FHIT: variants seen among roughly 807,000 people sequenced by gnomAD.
The protein encoded by FHIT is bis(5'-adenosyl)-triphosphatase.
Under a neutral mutation model 17.9 loss-of-function variants are expected in FHIT, and 19 were observed. That is an observed-to-expected ratio of 1.06 (90% CI 0.74 to 1.56). The LOEUF (loss-of-function observed/expected upper bound fraction) is 1.56, where lower values mean the gene tolerates loss of function less well. Ranked by LOEUF, FHIT falls within the 40% of genes most tolerant of loss-of-function variation. FHIT has a pLI of 0.00. For synonymous variants in FHIT, 81 were observed against 69.7 expected (o/e 1.16, Z -0.81); for missense variants, 248 against 189.2 (o/e 1.31, Z -1.82).
chr3:60,779,388 T>C (rs115805932), intron 4 of FHIT, among the ~76,000 whole-genome samples: 135 of 152,320 alleles, frequency 8.9e-4, no homozygotes, highest in South Asian at 1.2e-3. Context: ...ATGGGTAATG[T>C]AGAAATATGG....
intron 2 of FHIT, among the ~76,000 whole-genome samples, chr3:61,070,274 A>G (rs1348066650): frequency 6.6e-6 from 1 of 152,202 alleles, no homozygotes; most frequent in Non-Finnish European, 1.5e-5. Context: ...AAGAATGAAT[A>G]AATTTTGGCA....
At chr3:60,421,030 CTTT>C (rs33921357) in intron 5 of FHIT, among the ~76,000 whole-genome samples, 5 of 138,342 alleles carry the variant, frequency 3.6e-5, no homozygotes, top group African/African-American at 1.0e-4. Flanking sequence ...TCTCCCACTA[CTTT>C]TTTTTTTTTT....
chr3:60,376,397 T>A (rs1345974567), intron 5 of FHIT, among the ~76,000 whole-genome samples: 1 of 152,234 alleles, frequency 6.6e-6, no homozygotes, highest in Non-Finnish European at 1.5e-5. Context: ...GGTGTGAACT[T>A]TCTGGAAAAG....
At chr3:60,949,832 C>A (rs549172472) in intron 3 of FHIT, among the ~76,000 whole-genome samples, 1 of 152,248 alleles carries the variant, frequency 6.6e-6, no homozygotes, top group African/African-American at 2.4e-5. Context: ...AAGCTATCTA[C>A]AGGGATGTTC....
At chr3:60,199,521 TCTTCCCAG>T (rs2107489423) in intron 5 of FHIT, among the ~76,000 whole-genome samples, 1 of 152,190 alleles carries the variant, frequency 6.6e-6, no homozygotes, top group Non-Finnish European at 1.5e-5. Context: ...AAATGTCATG[TCTTCCCAG>T]CTTTGTGTGG....
intron 4 of FHIT, among the ~76,000 whole-genome samples, chr3:60,613,641 T>TG (rs1324150220): frequency 9.2e-5 from 14 of 152,124 alleles, no homozygotes; most frequent in African/African-American, 2.9e-4. Flanking sequence ...CTCTCCCTAC[T>TG]TCCTTTTCTT....
At chr3:60,496,782 A>G (rs2034317394) in intron 5 of FHIT, among the ~76,000 whole-genome samples, 1 of 152,196 alleles carries the variant, frequency 6.6e-6, no homozygotes, top group South Asian at 2.1e-4. Context: ...ACTAGAATAC[A>G]ATACAGGAGG....
chr3:60,281,316 T>C (rs894461484), intron 5 of FHIT, among the ~76,000 whole-genome samples: 3 of 152,164 alleles, frequency 2.0e-5, no homozygotes, highest in African/African-American at 7.2e-5. Flanking sequence ...AGAAAGTTAT[T>C]CTGTGAATAT....
At chr3:59,903,751 G>A (rs956474025) in intron 8 of FHIT, among the ~76,000 whole-genome samples, 2 of 152,120 alleles carry the variant, frequency 1.3e-5, no homozygotes, top group Non-Finnish European at 1.5e-5. Context: ...TGAAAAGGTG[G>A]GAATAATTTG....
chr3:61,026,239 T>C (rs563731642), intron 3 of FHIT, among the ~76,000 whole-genome samples: 1 of 152,278 alleles, frequency 6.6e-6, no homozygotes, highest in South Asian at 2.1e-4. Context: ...ACTCTCTGTC[T>C]GCTGTTTTTT....
rs186669347 is a variant in FHIT, at chr3:61,143,057, C to G, written c.-164+57560G>C. ...TGCATGGAATGTTACCCTTCCCTTA[C>G]CACAATATGACAAAATTAATAATAG... On this transcript the variant is annotated intron_variant, in intron 2 of 9. Coordinates refer to ENST00000492590, the MANE Select transcript of FHIT (RefSeq NM_002012.4). Among the ~76,000 whole-genome samples, 136 of 152,068 alleles carry G rather than the reference C, an allele frequency of 8.9e-4. 1 individual carries two copies. The highest frequency in any genetic ancestry group is 3.4e-3 in the Middle Eastern group (1 of 294).
intron 5 of FHIT, among the ~76,000 whole-genome samples, chr3:60,168,862 C>T (rs993295781): frequency 2.4e-5 from 3 of 126,700 alleles, no homozygotes; most frequent in Admixed American, 2.3e-4. Flanking sequence ...CTCTCCTCTG[C>T]TCTGGTGAAT....
chr3:60,454,045 C>T (rs962950205), intron 5 of FHIT, among the ~76,000 whole-genome samples: 1 of 152,116 alleles, frequency 6.6e-6, no homozygotes, highest in African/African-American at 2.4e-5. Flanking sequence ...AGAAAGCAGT[C>T]TGAGCTACTA....
chr3:61,191,456 A>C (rs547677517), intron 2 of FHIT, among the ~76,000 whole-genome samples: 12 of 152,274 alleles, frequency 7.9e-5, no homozygotes, highest in African/African-American at 2.6e-4. Context: ...TCCAGCTTGC[A>C]GACAGCACAT....
intron 2 of FHIT, among the ~76,000 whole-genome samples, chr3:61,132,531 G>C (rs1248846290): frequency 6.6e-6 from 1 of 152,192 alleles, no homozygotes; most frequent in Non-Finnish European, 1.5e-5. Flanking sequence ...ATGCAAACAT[G>C]GGGATGCCGA....
chr3:60,574,401 T>C (rs2037495184), intron 4 of FHIT, among the ~76,000 whole-genome samples: 1 of 151,786 alleles, frequency 6.6e-6, no homozygotes, highest in Admixed American at 6.6e-5. Context: ...TCCTGATGAT[T>C]GTGAGCATAG....
chr3:59,977,389 T>G (rs1482192302), intron 7 of FHIT, among the ~76,000 whole-genome samples: 1 of 152,128 alleles, frequency 6.6e-6, no homozygotes, highest in Non-Finnish European at 1.5e-5. Flanking sequence ...GGTGGAAAAG[T>G]AGGCATCCCT....
intron 2 of FHIT, among the ~76,000 whole-genome samples, chr3:61,046,279 T>C (rs967873859): frequency 4.6e-5 from 7 of 151,946 alleles, no homozygotes; most frequent in Non-Finnish European, 7.4e-5. Context: ...AAGAATCAAA[T>C]AGACACAATA....
intron 2 of FHIT, among the ~76,000 whole-genome samples, chr3:61,061,334 C>G (rs1330267309): frequency 6.6e-6 from 1 of 152,026 alleles, no homozygotes; most frequent in Non-Finnish European, 1.5e-5. Flanking sequence ...CAGGTAAGTG[C>G]CTCTGTGTTT....
Sources: gnomAD v4.1 joint callset for allele counts (sites outside exome capture counted in the v4.1 genomes callset) on GRCh38, gnomAD v4.1.1 for gene constraint, MANE v1.5 for transcripts, NCBI Gene and HGNC (gene_info 2026-07-23, HGNC 2026-07-21) for gene names.